Variants in PLCL1 observed in about 807,000 individuals in gnomAD.
PLCL1 encodes inactive phospholipase C-like protein 1.
PLCL1 carries 41 observed loss-of-function variants against 84.4 expected under a neutral mutation model. The ratio of observed to expected loss-of-function variants is 0.49; its 90% CI spans 0.38 to 0.63. The LOEUF (loss-of-function observed/expected upper bound fraction) is 0.63, where lower values mean the gene tolerates loss of function less well. Among genes scored for constraint, PLCL1 ranks in the 30% least tolerant of loss-of-function variants. The pLI is 0.00. For missense variants in PLCL1, 1,206 were observed against 1,367.8 expected, an observed-to-expected ratio of 0.88 and a Z score of 1.87; for synonymous variants, 490 against 488.3, an observed-to-expected ratio of 1.00 and a Z score of -0.05.
intron 1 of PLCL1, among the ~76,000 whole-genome samples, chr2:198,003,983 C>T (rs1690667734): frequency 6.6e-6 from 1 of 152,066 alleles, no homozygotes; most frequent in Non-Finnish European, 1.5e-5. Context: ...TAATATTATT[C>T]AATGCATGCA....
In PLCL1 at chr2:197,845,194, C is replaced by T. The variant is rs550069046; in HGVS notation, c.240+39855C>T. On this transcript the variant is annotated intron_variant, in intron 1 of 5. Coordinates refer to ENST00000428675, the MANE Select transcript of PLCL1 (RefSeq NM_006226.4). ...TGACACAAGAGCTCTGAATTCTTAC[C>T]TTTGAGGGGCGGCATACAATTTATT... 3.3e-5 allele frequency among the ~76,000 whole-genome samples: 5 copies of T among 152,058 alleles called. No homozygotes were observed. In the South Asian group the frequency reaches 8.3e-4, roughly 25 times the overall value.
intron 1 of PLCL1, among the ~76,000 whole-genome samples, chr2:198,064,161 A>G (rs1025498098): frequency 2.6e-5 from 4 of 152,194 alleles, no homozygotes; most frequent in African/African-American, 9.6e-5. Flanking sequence ...TGTGAATAAG[A>G]AAGTTCATAT....
rs182694152 is a variant in PLCL1 at position 198,141,275 on chromosome 2, C to T, written c.3106-5505C>T. Among the ~76,000 whole-genome samples the T allele has an allele frequency of 1.9e-3, 295 of 152,244 alleles. 1 individual carries two copies. The highest frequency in any genetic ancestry group is 6.9e-3 in the African/African-American group (288 of 41,554). The stretch of plus-strand genomic sequence containing the variant: ...AGCATTGATAACTTAGTGCAGTGGA[C>T]ACTTCTATTTTTGTGCAAAATTAAG... On this transcript the variant is annotated intron_variant, in intron 5 of 5. Transcript: ENST00000428675.
chr2:197,938,029 C>G (rs577891784), intron 1 of PLCL1, among the ~76,000 whole-genome samples: 13 of 152,304 alleles, frequency 8.5e-5, no homozygotes, highest in South Asian at 6.2e-4. Context: ...GTCACTGGCA[C>G]AGACCTTCAA....
intron 5 of PLCL1, among the ~76,000 whole-genome samples, chr2:198,131,849 A>C (rs557416063): frequency 6.6e-6 from 1 of 152,218 alleles, no homozygotes; most frequent in Non-Finnish European, 1.5e-5. Context: ...GTGAGACTGC[A>C]TGTGACGATG....
At chr2:198,129,526 C>G (rs1305516569) in intron 5 of PLCL1, among the ~76,000 whole-genome samples, 1 of 152,058 alleles carries the variant, frequency 6.6e-6, no homozygotes, top group South Asian at 2.1e-4. Context: ...GTCTTATGTC[C>G]TCCTAAAATT....
intron 1 of PLCL1, among the ~76,000 whole-genome samples, chr2:197,887,685 C>T (rs1281691270): frequency 1.3e-5 from 2 of 152,074 alleles, no homozygotes; most frequent in Non-Finnish European, 2.9e-5. Context: ...TTTAGTGTAG[C>T]CATCACCCAT....
intron 5 of PLCL1, among the ~76,000 whole-genome samples, chr2:198,128,236 A>G (rs1405087704): frequency 1.3e-5 from 2 of 152,184 alleles, no homozygotes. Flanking sequence ...AGTTCAGGCC[A>G]TGATGGGAAC....
At chr2:198,017,477 A>G (rs950340155) in intron 1 of PLCL1, among the ~76,000 whole-genome samples, 2 of 152,252 alleles carry the variant, frequency 1.3e-5, no homozygotes, top group East Asian at 1.9e-4. Flanking sequence ...TTTTCCATAT[A>G]GCAGGCACTC....
At chr2:198,079,737 T>G (rs1255222949) in intron 1 of PLCL1, among the ~76,000 whole-genome samples, 2 of 152,226 alleles carry the variant, frequency 1.3e-5, no homozygotes, top group Non-Finnish European at 2.9e-5. Flanking sequence ...TTGTTAATTT[T>G]TTTTAATTTA....
chr2:197,902,833 G>A (rs1190500854), intron 1 of PLCL1, among the ~76,000 whole-genome samples: 3 of 152,176 alleles, frequency 2.0e-5, no homozygotes, highest in Non-Finnish European at 1.5e-5. Context: ...GGGCTTCAGA[G>A]ATTTCCCAGC....
At chr2:198,117,431 T>C (rs968199787) in intron 5 of PLCL1, among the ~76,000 whole-genome samples, 2 of 151,662 alleles carry the variant, frequency 1.3e-5, no homozygotes, top group Admixed American at 6.6e-5. Flanking sequence ...ACTCATGTTC[T>C]CTGGTGGTAC....
At chr2:197,939,310 A>C (rs902458196) in intron 1 of PLCL1, among the ~76,000 whole-genome samples, 2 of 152,160 alleles carry the variant, frequency 1.3e-5, no homozygotes, top group African/African-American at 4.8e-5. Context: ...ATGACCTGGG[A>C]GCATTTAAAA....
intron 1 of PLCL1, among the ~76,000 whole-genome samples, chr2:198,074,536 A>T (rs1237798460): frequency 2.0e-5 from 3 of 152,168 alleles, no homozygotes; most frequent in African/African-American, 7.2e-5. Flanking sequence ...ACCATTAAAA[A>T]CTGAAAAGTC....
intron 1 of PLCL1, 42 bp from the exon 2 acceptor site, chr2:198,083,709 GTCTGTTT>G: frequency 7.9e-7 from 1 of 1,272,510 alleles, no homozygotes; most frequent in Non-Finnish European, 1.1e-6. Context: ...TACTGAATTT[GTCTGTTT>G]TCTAAAGGAA....
chr2:198,064,630 G>A (rs773962801), intron 1 of PLCL1, among the ~76,000 whole-genome samples: 49 of 152,092 alleles, frequency 3.2e-4, no homozygotes, highest in Middle Eastern at 3.4e-3. Flanking sequence ...CCCACTAACC[G>A]CACCATTGTT....
chr2:197,977,245 A>G (rs1690005216), intron 1 of PLCL1, among the ~76,000 whole-genome samples: 1 of 152,188 alleles, frequency 6.6e-6, no homozygotes, highest in Admixed American at 6.5e-5. Context: ...ATCCAATAAC[A>G]TCATCAAAGA....
chr2:198,011,644 G>A (rs1690870433), intron 1 of PLCL1, among the ~76,000 whole-genome samples: 1 of 151,958 alleles, frequency 6.6e-6, no homozygotes, highest in Non-Finnish European at 1.5e-5. Context: ...GTGTTGTTCA[G>A]GTCCTCTTGT....
intron 1 of PLCL1, among the ~76,000 whole-genome samples, chr2:198,042,959 G>A (rs1333853048): frequency 6.6e-6 from 1 of 152,148 alleles, no homozygotes; most frequent in Non-Finnish European, 1.5e-5. Context: ...GAGGAATGAG[G>A]AGAGAATTTG....
Sources: gnomAD v4.1 joint callset for allele counts (sites outside exome capture counted in the v4.1 genomes callset) on GRCh38, gnomAD v4.1.1 for gene constraint, MANE v1.5 for transcripts, NCBI Gene and HGNC (gene_info 2026-07-23, HGNC 2026-07-21) for gene names.